NAV2: variants seen among roughly 807,000 people sequenced by gnomAD.
The protein encoded by NAV2 is neuron navigator 2.
NAV2 carries 54 observed loss-of-function variants against 223.2 expected under a neutral mutation model. The ratio of observed to expected loss-of-function variants is 0.24; its 90% CI spans 0.19 to 0.30. The LOEUF (loss-of-function observed/expected upper bound fraction) is 0.30, where lower values mean the gene tolerates loss of function less well. Ranked by LOEUF, NAV2 falls within the 10% of genes least tolerant of loss-of-function variation. The probability of loss-of-function intolerance (pLI) is 1.00; values close to 1 mark genes in which losing one functional copy is unlikely to be tolerated. For missense variants in NAV2, 2,806 were observed against 3,147.5 expected, an observed-to-expected ratio of 0.89 and a Z score of 2.60; for synonymous variants, 1,279 against 1,239.3, an observed-to-expected ratio of 1.03 and a Z score of -0.67.
chr11:19,505,939 G>A (rs908884435), intron 1 of NAV2: 2 of 152,170 alleles, frequency 1.3e-5, no homozygotes, highest in Non-Finnish European at 2.9e-5. Context: ...TTCCTTGATG[G>A]CTATTATGTC....
At chr11:19,961,155 GC>G (rs1320608751) in intron 10 of NAV2, among the ~76,000 whole-genome samples, 3 of 151,760 alleles carry the variant, frequency 2.0e-5, no homozygotes, top group Non-Finnish European at 4.4e-5. Flanking sequence ...TCACTAGGTT[GC>G]CCAGGCTGGT....
At chr11:19,473,526 G>A (rs998906625) in intron 1 of NAV2, among the ~76,000 whole-genome samples, 8 of 152,166 alleles carry the variant, frequency 5.3e-5, no homozygotes, top group African/African-American at 1.7e-4. Context: ...CTGCAAAAGC[G>A]AAATGATTTG....
At chr11:19,350,110 T>TGATGATGAC (rs1315047686), upstream of NAV2, among the ~76,000 whole-genome samples, 2 of 151,876 alleles carry the variant, frequency 1.3e-5, no homozygotes, top group Non-Finnish European at 2.9e-5. Flanking sequence ...ATGATGATGA[T>TGATGATGAC]GATGATCATG....
intron 1 of NAV2, among the ~76,000 whole-genome samples, chr11:19,526,174 C>T (rs2043837284): frequency 1.3e-5 from 2 of 152,294 alleles, no homozygotes; most frequent in South Asian, 4.1e-4. Flanking sequence ...ATTACAGCTC[C>T]TCCTGGTTCC....
intron 1 of NAV2, among the ~76,000 whole-genome samples, chr11:19,657,570 A>G (rs543009170): frequency 1.3e-5 from 2 of 152,118 alleles, no homozygotes; most frequent in South Asian, 4.1e-4. Context: ...CACTTCCTTC[A>G]GCTTTCTGAA....
At chr11:19,789,026 C>T (rs769454251) in intron 1 of NAV2, among the ~76,000 whole-genome samples, 15 of 152,004 alleles carry the variant, frequency 9.9e-5, no homozygotes, top group Non-Finnish European at 1.6e-4. Flanking sequence ...GCTTTTAATG[C>T]GGCCCCACTG....
chr11:19,402,511 C>T (rs2702674), intron 1 of NAV2, among the ~76,000 whole-genome samples: 123,194 of 152,162 alleles, frequency 0.81, 50,754 homozygotes, highest in Non-Finnish European at 0.9. Flanking sequence ...GTATTTTTAC[C>T]CCTTCATTGC....
chr11:19,704,300 T>C (rs2049595996), intron 1 of NAV2, among the ~76,000 whole-genome samples: 1 of 152,144 alleles, frequency 6.6e-6, no homozygotes, highest in South Asian at 2.1e-4. Flanking sequence ...CTGCCACCAC[T>C]CAGGAGTGCT....
chr11:19,842,833 T>C lies in NAV2; in HGVS notation c.386-38T>C, dbSNP rs778930318. 1.4e-5 allele frequency: 22 copies of C among 1,605,412 alleles called. 1 individual carries two copies. In the South Asian group the frequency reaches 2.3e-4, roughly 17 times the overall value. On this transcript the variant is annotated intron_variant, in intron 2 of 37. Coordinates refer to ENST00000349880, the MANE Select transcript of NAV2 (RefSeq NM_145117.5). The stretch of plus-strand genomic sequence containing the variant: ...AACATCACTACTGAAAGTGTCTCTC[T>C]GGTGATTTATTTTTCTGACTTGTGT...
At chr11:19,557,140 G>A (rs953203175) in intron 1 of NAV2, among the ~76,000 whole-genome samples, 2 of 152,156 alleles carry the variant, frequency 1.3e-5, no homozygotes, top group African/African-American at 4.8e-5. Context: ...GGATGATAAG[G>A]CAGTAAGTGC....
At chr11:19,559,285 A>G (rs11824319) in intron 1 of NAV2, among the ~76,000 whole-genome samples, 14,486 of 152,274 alleles carry the variant, frequency 0.095, 2,306 homozygotes, top group African/African-American at 0.33. Flanking sequence ...GGACAGAGCT[A>G]GAATTGAAGC....
At chr11:20,082,610 A>C in intron 25 of NAV2, 1 of 1,613,496 alleles carries the variant, frequency 6.2e-7, no homozygotes, top group Non-Finnish European at 8.5e-7. Flanking sequence ...GGTAAGCAAG[A>C]CCAACTTTAA....
chr11:19,909,620 G>C (rs1047625052), intron 6 of NAV2, among the ~76,000 whole-genome samples: 1 of 152,108 alleles, frequency 6.6e-6, no homozygotes, highest in African/African-American at 2.4e-5. Flanking sequence ...AACATCTCAT[G>C]GTTTTCTGTG....
chr11:19,686,058 A>G (rs1048128809), intron 1 of NAV2, among the ~76,000 whole-genome samples: 1 of 152,050 alleles, frequency 6.6e-6, no homozygotes, highest in African/African-American at 2.4e-5. Context: ...CCAGCTCCCT[A>G]GTACAAGCCT....
intron 1 of NAV2, among the ~76,000 whole-genome samples, chr11:19,598,694 C>T (rs116727732): frequency 0.012 from 1,813 of 152,224 alleles, 45 homozygotes; most frequent in African/African-American, 0.041. Flanking sequence ...GGTCACCCAG[C>T]CCATATGTGG....
chr11:19,810,392 T>G (rs2152808358), intron 1 of NAV2, among the ~76,000 whole-genome samples: 1 of 152,312 alleles, frequency 6.6e-6, no homozygotes, highest in East Asian at 1.9e-4. Flanking sequence ...CTGGTTCTTT[T>G]GGTTGGAGAA....
chr11:19,843,454 A>G (rs938909918), intron 3 of NAV2, among the ~76,000 whole-genome samples: 6 of 152,224 alleles, frequency 3.9e-5, no homozygotes, highest in African/African-American at 1.4e-4. Context: ...CTCTGGCATG[A>G]TGCATTTAAG....
chr11:19,794,501 A>G (rs2057763535), intron 1 of NAV2, among the ~76,000 whole-genome samples: 1 of 152,234 alleles, frequency 6.6e-6, no homozygotes, highest in South Asian at 2.1e-4. Flanking sequence ...GGTATTTACA[A>G]TGAATATAAC....
chr11:19,713,580 G>C lies in NAV2; in HGVS notation c.-116G>C, dbSNP rs2050018626. The C allele has an allele frequency of 7.1e-7, 1 of 1,405,528 alleles. No homozygotes were observed. Among genetic ancestry groups the C allele is most frequent in the Admixed American group, 3.0e-5 (1 of 33,678 alleles). 87.1% of individuals were successfully genotyped at this position (1,405,528 alleles called of 1,614,324 possible). A position where few individuals can be genotyped will look rare whatever the true frequency, so the allele number is the denominator to read the frequency against. ...GGGATTTTTTTTTTAGCCGCTGGTG[G>C]TGGGCGCCTCGTGGGCTAAGGCCCG... On this transcript the variant is annotated 5_prime_UTR_variant, in exon 1 of 38. Coordinates refer to ENST00000349880, the MANE Select transcript of NAV2 (RefSeq NM_145117.5). This position sits in a 1 kb window ranked among gnomAD's most constrained non-coding sequence, Gnocchi z 7.2.
Sources: gnomAD v4.1 joint callset for allele counts (sites outside exome capture counted in the v4.1 genomes callset) on GRCh38, gnomAD v4.1.1 for gene constraint, Gnocchi (gnomAD v3.1) non-coding constraint, MANE v1.5 for transcripts, NCBI Gene and HGNC (gene_info 2026-07-23, HGNC 2026-07-21) for gene names.